Variants in ENTPD1 observed in about 807,000 individuals in gnomAD.
ENTPD1 encodes ATP diphosphohydrolase.
ENTPD1 carries 33 observed loss-of-function variants against 57.0 expected under a neutral mutation model. That is an observed-to-expected ratio of 0.58 (90% CI 0.44 to 0.77). The LOEUF (loss-of-function observed/expected upper bound fraction) is 0.77, where lower values mean the gene tolerates loss of function less well. Ranked by LOEUF, ENTPD1 falls within the 30% of genes least tolerant of loss-of-function variation. The pLI is 0.00. For missense variants in ENTPD1, 501 were observed against 603.4 expected (o/e 0.83, Z 1.78); for synonymous variants, 202 against 218.8 (o/e 0.92, Z 0.68).
intron 1 of ENTPD1, among the ~76,000 whole-genome samples, chr10:95,768,338 C>T (rs908729482): frequency 2.6e-5 from 4 of 152,090 alleles, no homozygotes; most frequent in Admixed American, 2.6e-4. Context: ...TCTTCTGTCA[C>T]AACTTTGATT....
chr10:95,726,842 C>A (rs1436668960), intron 1 of ENTPD1, among the ~76,000 whole-genome samples: 1 of 152,080 alleles, frequency 6.6e-6, no homozygotes, highest in Non-Finnish European at 1.5e-5. Context: ...ACACTGGGTC[C>A]TGAGTGACAG....
At position 95,866,405 on chromosome 10, in the gene ENTPD1, G is replaced by A. The variant is rs374281838; in HGVS notation, c.*22G>A. The A allele has an allele frequency of 1.8e-5, 29 of 1,613,746 alleles. No individual in the cohort carries two copies. In the African/African-American group the frequency reaches 3.7e-4, roughly 21 times the overall value. ...ATAGCAAAAGCAGCTGAAATATGCT[G>A]GCTGGAGTGAGGAAAAAAATCGTCC... On this transcript the variant is annotated 3_prime_UTR_variant, in exon 10 of 10. Coordinates refer to ENST00000371205, the MANE Select transcript of ENTPD1 (RefSeq NM_001776.6).
At position 95,871,449 on chromosome 10, in the gene ENTPD1, A is replaced by G. The variant is rs2098480331; in HGVS notation, c.*5066A>G. 1 of 985,440 alleles carries G rather than the reference A, an allele frequency of 1.0e-6. No homozygotes were observed. Among genetic ancestry groups the G allele is most frequent in the Non-Finnish European group, 1.2e-6 (1 of 829,930 alleles). The allele number at this position is 985,440 out of a possible 1,614,324, so 61.0% of individuals were successfully genotyped here. Reference sequence around the variant, plus strand: ...TGGTAGATGTCCTAGGAAACCATACATCTATGTATTTTTCTTATTTTATAC... The same window carrying G: ...TGGTAGATGTCCTAGGAAACCATACGTCTATGTATTTTTCTTATTTTATAC... On this transcript the variant is annotated 3_prime_UTR_variant, in exon 10 of 10. Transcript: ENST00000371205.
chr10:95,745,837 TG>T (rs1169804881), intron 1 of ENTPD1, among the ~76,000 whole-genome samples: 1 of 152,178 alleles, frequency 6.6e-6, no homozygotes, highest in African/African-American at 2.4e-5. Context: ...GCTGCCACGT[TG>T]GGTTGTAGAC....
At chr10:95,698,900 G>A in the ENTPD1 span, among the ~76,000 whole-genome samples, 82 of 152,280 alleles carry the variant, frequency 5.4e-4, no homozygotes, top group South Asian at 2.5e-3. Context: ...AGCAGATCCC[G>A]CCTGTGCATA....
chr10:95,730,028 C>T (rs2097987601), intron 1 of ENTPD1, among the ~76,000 whole-genome samples: 1 of 152,062 alleles, frequency 6.6e-6, no homozygotes, highest in Non-Finnish European at 1.5e-5. Flanking sequence ...AGAAGCTATT[C>T]TTCCCAGTAT....
At chr10:95,794,653 C>G (rs1181053008) in intron 1 of ENTPD1, among the ~76,000 whole-genome samples, 1 of 152,142 alleles carries the variant, frequency 6.6e-6, no homozygotes, top group Non-Finnish European at 1.5e-5. Flanking sequence ...TTATAATAGC[C>G]TTAAGTGCTA....
At chr10:95,783,354 TGG>T (rs1320757323) in intron 1 of ENTPD1, among the ~76,000 whole-genome samples, 1 of 152,194 alleles carries the variant, frequency 6.6e-6, no homozygotes, top group Non-Finnish European at 1.5e-5. Flanking sequence ...TTTCATTAAT[TGG>T]CTTCAAGTAC....
chr10:95,775,387 A>G (rs1265897191), intron 1 of ENTPD1, among the ~76,000 whole-genome samples: 1 of 152,144 alleles, frequency 6.6e-6, no homozygotes, highest in African/African-American at 2.4e-5. Flanking sequence ...GGTGAGAGAG[A>G]GGGCATCTCT....
intron 7 of ENTPD1, among the ~76,000 whole-genome samples, chr10:95,855,899 C>G (rs1422193174): frequency 6.6e-6 from 1 of 152,160 alleles, no homozygotes; most frequent in East Asian, 1.9e-4. Context: ...TTTGGTGAAT[C>G]TGATAATTAT....
intron 1 of ENTPD1, among the ~76,000 whole-genome samples, chr10:95,813,941 G>A (rs1457195796): frequency 2.0e-5 from 3 of 152,120 alleles, no homozygotes; most frequent in African/African-American, 7.2e-5. Flanking sequence ...AGATTTTCTT[G>A]CTTATTCTCA....
intron 1 of ENTPD1, among the ~76,000 whole-genome samples, chr10:95,739,646 C>T (rs1014507508): frequency 2.0e-5 from 3 of 152,154 alleles, no homozygotes; most frequent in African/African-American, 2.4e-5. Context: ...TCTTGAACCC[C>T]TCCAAGTCAT....
chr10:95,797,324 T>A (rs574483418), intron 1 of ENTPD1, among the ~76,000 whole-genome samples: 30 of 152,178 alleles, frequency 2.0e-4, no homozygotes, highest in South Asian at 1.4e-3. Flanking sequence ...ACTAGCATTA[T>A]AAATTTTGAG....
At chr10:95,857,503 TTAAAG>T (rs760536742) in intron 7 of ENTPD1, among the ~76,000 whole-genome samples, 12 of 152,278 alleles carry the variant, frequency 7.9e-5, no homozygotes, top group African/African-American at 2.9e-4. Context: ...TACAAAAAGC[TTAAAG>T]TAAAGACTAA....
intron 1 of ENTPD1, among the ~76,000 whole-genome samples, chr10:95,799,307 T>C (rs1161265267): frequency 6.6e-6 from 1 of 152,084 alleles, no homozygotes; most frequent in Non-Finnish European, 1.5e-5. Flanking sequence ...CCTTCCACCC[T>C]CCAATAGGCC....
intron 1 of ENTPD1, among the ~76,000 whole-genome samples, chr10:95,775,049 C>A (rs1330903233): frequency 6.6e-6 from 1 of 152,148 alleles, no homozygotes; most frequent in African/African-American, 2.4e-5. Flanking sequence ...TCCTTTACAT[C>A]CCTTGTGAGT....
intron 1 of ENTPD1, among the ~76,000 whole-genome samples, chr10:95,716,713 C>T (rs1353986501): frequency 6.6e-6 from 1 of 152,230 alleles, no homozygotes; most frequent in Admixed American, 6.5e-5. Context: ...TCGGATGTGG[C>T]TTCCCAGTCT....
intron 1 of ENTPD1, among the ~76,000 whole-genome samples, chr10:95,769,392 G>A (rs2098105723): frequency 6.6e-6 from 1 of 152,232 alleles, no homozygotes; most frequent in South Asian, 2.1e-4. Flanking sequence ...ATTCCACGCA[G>A]AGGAACCAAC....
chr10:95,817,753 C>A (rs554629004), intron 1 of ENTPD1, among the ~76,000 whole-genome samples: 1 of 152,282 alleles, frequency 6.6e-6, no homozygotes, highest in South Asian at 2.1e-4. Context: ...GCTTTTTCTT[C>A]CTCCTCAGCA....
Sources: allele counts gnomAD v4.1 joint callset (sites outside exome capture counted in the v4.1 genomes callset), GRCh38; gene constraint gnomAD v4.1.1; transcripts MANE v1.5; gene names NCBI Gene and HGNC (gene_info 2026-07-23, HGNC 2026-07-21).